The following PCDHGA5 variants were observed in gnomAD, a reference collection of about 807,000 sequenced individuals.
PCDHGA5 encodes protocadherin gamma-A5.
Under a neutral mutation model 56.7 loss-of-function variants are expected in PCDHGA5, and 36 were observed. The observed-to-expected ratio is 0.64, with a 90% CI of 0.49 to 0.84. The LOEUF is 0.84. PCDHGA5 is among the 40% of genes least tolerant of loss of function. The pLI, the probability that PCDHGA5 is intolerant of heterozygous loss-of-function variation, is 0.00. For missense variants in PCDHGA5, 1,305 were observed against 1,201.5 expected, an observed-to-expected ratio of 1.09 and a Z score of -1.27; for synonymous variants, 563 against 520.2, an observed-to-expected ratio of 1.08 and a Z score of -1.12.
chr5:141,471,977 A>G (rs1487329441), intron 1 of PCDHGA5, among the ~76,000 whole-genome samples: 1 of 152,212 alleles, frequency 6.6e-6, no homozygotes, highest in Non-Finnish European at 1.5e-5. Context: ...ATTACTGTAT[A>G]AATTTATTAA....
At chr5:141,413,740 C>A in intron 1 of PCDHGA5, 2 of 1,613,402 alleles carry the variant, frequency 1.2e-6, no homozygotes, top group Non-Finnish European at 1.7e-6. Flanking sequence ...AGTTCAGAGC[C>A]GTGCCAATGG....
At chr5:141,395,088 C>G (rs778953049) in intron 1 of PCDHGA5, 31 of 1,614,076 alleles carry the variant, frequency 1.9e-5, no homozygotes, top group East Asian at 6.7e-5. Flanking sequence ...GGAAGTCTCC[C>G]TCACCGCCGA....
In PCDHGA5 at chr5:141,485,848, C is replaced by A; in HGVS notation, c.2422-8959C>A. The stretch of plus-strand genomic sequence containing the variant: ...GAGGGAACCCGCCGAGATCTGGCAC[C>A]GCAGAGCTCCGGGTATCCGTGCTGG... On this transcript the variant is annotated intron_variant, in intron 1 of 3. Transcript: ENST00000518069. This position sits in a 1 kb window ranked among gnomAD's most constrained non-coding sequence, Gnocchi z 5.7. 1 of 1,614,192 alleles carries A rather than the reference C, an allele frequency of 6.2e-7. No homozygotes were observed. The highest frequency in any genetic ancestry group is 8.5e-7 in the Non-Finnish European group (1 of 1,180,020).
intron 1 of PCDHGA5, chr5:141,418,597 G>A (rs2096274061): frequency 3.7e-6 from 6 of 1,614,052 alleles, no homozygotes; most frequent in Non-Finnish European, 5.1e-6. Flanking sequence ...GCCAGGACGT[G>A]TACAGGGTTA....
In PCDHGA5 at chr5:141,485,126, G is replaced by C; in HGVS notation, c.2422-9681G>C. ...TGCTGTGGCTGTTTGGGGCGGGTCG[G>C]CTTCATCCGCGTCTCAGGAGCAAGT... On this transcript the variant is annotated intron_variant, in intron 1 of 3. Transcript: ENST00000518069. The surrounding 1 kb of genome is among the most constrained non-coding windows in gnomAD (Gnocchi z 5.7). 1.4e-6 allele frequency: 2 copies of C among 1,432,378 alleles called. No homozygotes were observed. The highest frequency in any genetic ancestry group is 2.4e-5 in the South Asian group (2 of 81,724). 88.7% of individuals were successfully genotyped at this position (1,432,378 alleles called of 1,614,324 possible). A position where few individuals can be genotyped will look rare whatever the true frequency, so the allele number is the denominator to read the frequency against.
Position 141,366,586 on chromosome 5 carries a change from CTA to C in PCDHGA5, c.2258_2259del (p.Tyr753PhefsTer28). 6.2e-7 allele frequency: 1 copy of C among 1,614,262 alleles called. No individual in the cohort carries two copies. The highest frequency in any genetic ancestry group is 8.5e-7 in the Non-Finnish European group (1 of 1,180,052). ...ATGGGGTTCGGGCTTTCCTGCAGAC[CTA>C]TTCCCACGAGGTCTCCCTCACCGCG... ...VDGVRAFLQT[Y>X]SHEVSLTADS... On this transcript the variant is annotated frameshift_variant, in exon 1 of 4. Transcript: ENST00000518069. LOFTEE classifies it high-confidence loss of function.
chr5:141,470,969 A>C (rs62379203), intron 1 of PCDHGA5, among the ~76,000 whole-genome samples: 16,337 of 151,332 alleles, frequency 0.11, 895 homozygotes, highest in South Asian at 0.15. Flanking sequence ...CTCCCACCTC[A>C]GCCTCCCAAA....
At chr5:141,456,777 A>G (rs572940615) in intron 1 of PCDHGA5, among the ~76,000 whole-genome samples, 2 of 152,214 alleles carry the variant, frequency 1.3e-5, no homozygotes, top group Admixed American at 6.5e-5. Flanking sequence ...AGCCTGGCCT[A>G]CATGGCAAAA....
Position 141,427,950 on chromosome 5 carries a change from A to C in PCDHGA5, c.2421+61199A>C, listed in dbSNP as rs773336611. The stretch of plus-strand genomic sequence containing the variant: ...CATGTTGGTGGGCGACCTCAATGAC[A>C]ATGTGCCGCGGGTGCTGTACCCCGC... On this transcript the variant is annotated intron_variant, in intron 1 of 3. Transcript: ENST00000518069. 7 of 1,586,816 alleles carry C rather than the reference A, an allele frequency of 4.4e-6. No individual in the cohort carries two copies. The African/African-American group carries it at 8.1e-5, about 18-fold the overall frequency.
Position 141,489,323 on chromosome 5 carries a change from C to T in PCDHGA5, c.2422-5484C>T, listed in dbSNP as rs746520513. 1 of 1,601,632 alleles carries T rather than the reference C, an allele frequency of 6.2e-7. No individual in the cohort carries two copies. Among genetic ancestry groups the T allele is most frequent in the Non-Finnish European group, 8.5e-7 (1 of 1,172,950 alleles). ...TCCTTGTGCTGCTGGGGCTGGGTGT[C>T]TGGGCAGCTTCGTTACTCAGTGGTG... On this transcript the variant is annotated intron_variant, in intron 1 of 3. Coordinates refer to ENST00000518069, the MANE Select transcript of PCDHGA5 (RefSeq NM_018918.3). The surrounding 1 kb of genome is among the most constrained non-coding windows in gnomAD (Gnocchi z 4.5).
At chr5:141,395,423 C>A in intron 1 of PCDHGA5, 1 of 731,386 alleles carries the variant, frequency 1.4e-6, no homozygotes, top group Non-Finnish European at 2.1e-6. Context: ...GTTTCATTTG[C>A]TTTTAAACGA....
rs3763123 is a variant in PCDHGA5 at position 141,385,542 on chromosome 5, A to C, written c.2421+18791A>C. On this transcript the variant is annotated intron_variant, in intron 1 of 3. Coordinates refer to ENST00000518069, the MANE Select transcript of PCDHGA5 (RefSeq NM_018918.3). Reference sequence around the variant, plus strand: ...TATGGACAAGATTATGAATATGTGGACTATCACATTTTATAATTTCCACCT... The same window carrying C: ...TATGGACAAGATTATGAATATGTGGCCTATCACATTTTATAATTTCCACCT... 2.0e-3 allele frequency: 2,591 copies of C among 1,327,546 alleles called. 44 individuals carry two copies. The African/African-American group carries it at 0.033, about 17-fold the overall frequency. The allele number at this position is 1,327,546 out of a possible 1,614,324, so 82.2% of individuals were successfully genotyped here. A position where few individuals can be genotyped will look rare whatever the true frequency, so the allele number is the denominator to read the frequency against.
intron 1 of PCDHGA5, among the ~76,000 whole-genome samples, chr5:141,434,824 A>ACTTG (rs1561875192): frequency 1.3e-5 from 2 of 151,888 alleles, no homozygotes; most frequent in African/African-American, 4.8e-5. Flanking sequence ...CCCTTAGTAC[A>ACTTG]CTTGGCATTT....
At chr5:141,418,278 T>C (rs2096243624) in intron 1 of PCDHGA5, 1 of 1,613,954 alleles carries the variant, frequency 6.2e-7, no homozygotes, top group East Asian at 2.2e-5. Context: ...GAAATAAACT[T>C]AGAAATCAGT....
At chr5:141,410,458 T>A in intron 1 of PCDHGA5, 1 of 1,614,040 alleles carries the variant, frequency 6.2e-7, no homozygotes, top group African/African-American at 1.3e-5. Flanking sequence ...CTTATTCTTA[T>A]AATCTGTGCA....
At chr5:141,457,791 A>G (rs554446263) in intron 1 of PCDHGA5, among the ~76,000 whole-genome samples, 1 of 152,318 alleles carries the variant, frequency 6.6e-6, no homozygotes, top group South Asian at 2.1e-4. Flanking sequence ...GAGTTGGGTT[A>G]TCCTCTCCTC....
At chr5:141,433,818 C>A (rs1286718725) in intron 1 of PCDHGA5, among the ~76,000 whole-genome samples, 7 of 133,614 alleles carry the variant, frequency 5.2e-5, no homozygotes, top group African/African-American at 5.8e-5. Flanking sequence ...GCCTGGGCAA[C>A]AAGAGTGAAA....
At chr5:141,399,348 C>G (rs1287526689) in intron 1 of PCDHGA5, 1 of 1,613,940 alleles carries the variant, frequency 6.2e-7, no homozygotes, top group Non-Finnish European at 8.5e-7. Flanking sequence ...GAACCCTAGA[C>G]CGAGAGCAAA....
At chr5:141,461,821 T>A (rs569091880) in intron 1 of PCDHGA5, among the ~76,000 whole-genome samples, 1 of 151,286 alleles carries the variant, frequency 6.6e-6, no homozygotes, top group South Asian at 2.1e-4. Context: ...ACCCAGCTAA[T>A]TTTTTTTTCT....
Sources: gnomAD v4.1 joint callset for allele counts (sites outside exome capture counted in the v4.1 genomes callset) on GRCh38, gnomAD v4.1.1 for gene constraint, Gnocchi (gnomAD v3.1) non-coding constraint, MANE v1.5 for transcripts, NCBI Gene and HGNC (gene_info 2026-07-23, HGNC 2026-07-21) for gene names.